CDKL5: variants seen among roughly 807,000 people sequenced by gnomAD.
CDKL5 encodes the protein cyclin dependent kinase like 5.
A neutral mutation model predicts 61.7 loss-of-function variants in CDKL5; 8 were observed. The observed-to-expected ratio is 0.13, with a 90% CI of 0.08 to 0.23. The LOEUF is 0.23. Ranked by LOEUF, CDKL5 falls within the 10% of genes least tolerant of loss-of-function variation. The probability of loss-of-function intolerance (pLI) is 1.00; values close to 1 mark genes in which losing one functional copy is unlikely to be tolerated. For missense variants in CDKL5, 440 were observed against 734.5 expected, an observed-to-expected ratio of 0.60 and a Z score of 4.63; for synonymous variants, 275 against 272.3, an observed-to-expected ratio of 1.01 and a Z score of -0.10.
chrX:18,466,906 C>G (rs187549485), intron 1 of CDKL5, among the ~76,000 whole-genome samples: 95 of 111,465 alleles, frequency 8.5e-4, no homozygotes, highest in African/African-American at 3.1e-3. Context: ...TTGGGTAATG[C>G]TCTGTGGTGC....
intron 9 of CDKL5, among the ~76,000 whole-genome samples, chrX:18,590,467 T>A (rs897037439): frequency 6.2e-5 from 7 of 112,005 alleles, no homozygotes. Flanking sequence ...CCCAGTTAAT[T>A]TCCCTTTAGA....
chrX:18,505,231 A>G (rs1279267808), intron 1 of CDKL5, among the ~76,000 whole-genome samples: 1 of 110,940 alleles, frequency 9.0e-6, no homozygotes, highest in Non-Finnish European at 1.9e-5. Context: ...TCCCTCATAC[A>G]CACATATAAT....
chrX:18,641,967 C>T (rs768450307), downstream of CDKL5: 40 of 1,205,942 alleles, frequency 3.3e-5, no homozygotes, highest in Admixed American at 5.0e-4. Context: ...CGCTCTGTGC[C>T]AGTCACCCCC....
At chrX:18,579,735 TAA>T (rs1264236603) in intron 5 of CDKL5, 111 bp from the exon 6 acceptor site, 12 of 645,611 alleles carry the variant, frequency 1.9e-5, no homozygotes, top group Non-Finnish European at 2.8e-5. Context: ...GCAAAACAAT[TAA>T]AAAAAAAAGC....
At chrX:18,449,543 A>C (rs1931960158) in intron 1 of CDKL5, among the ~76,000 whole-genome samples, 1 of 111,954 alleles carries the variant, frequency 8.9e-6, no homozygotes, top group African/African-American at 3.2e-5. Flanking sequence ...TAGATGATTC[A>C]CATGGGAATG....
chrX:18,589,543 A>T (rs929952272), intron 9 of CDKL5: 9 of 111,227 alleles, frequency 8.1e-5, no homozygotes, highest in Non-Finnish European at 1.5e-4. Flanking sequence ...TCTATCATTG[A>T]TGGACATTTG....
At chrX:18,608,984 A>C in intron 13 of CDKL5, 72 bp downstream of exon 13, 1 of 703,913 alleles carries the variant, frequency 1.4e-6, no homozygotes, top group Non-Finnish European at 2.3e-6. Flanking sequence ...AAATGTATTA[A>C]TACCCAGTCT....
intron 16 of CDKL5, among the ~76,000 whole-genome samples, chrX:18,620,701 TC>T (rs1288287001): frequency 9.0e-6 from 1 of 111,489 alleles, no homozygotes; most frequent in African/African-American, 3.3e-5. Context: ...ATCCCCCTTT[TC>T]TTTATGACAA....
intron 1 of CDKL5, among the ~76,000 whole-genome samples, chrX:18,467,989 A>G (rs1206144589): frequency 1.8e-5 from 2 of 112,003 alleles, no homozygotes; most frequent in Non-Finnish European, 3.8e-5. Flanking sequence ...GTGATGATTG[A>G]AATGTGCTCA....
At chrX:18,646,008 C>G in exon 20 of CDKL5, 3 of 1,211,512 alleles carry the variant, frequency 2.5e-6, no homozygotes, top group Non-Finnish European at 3.4e-6. Context: ...ACTAACTAGA[C>G]GGTGGATGTG....
intron 3 of CDKL5, among the ~76,000 whole-genome samples, chrX:18,536,565 C>A (rs111509701): frequency 9.6e-6 from 1 of 104,195 alleles, no homozygotes; most frequent in Non-Finnish European, 1.9e-5. Context: ...CCTGCCTCAG[C>A]CTCCTGAGTG....
chrX:18,482,715 T>C (rs1041902179), intron 1 of CDKL5, among the ~76,000 whole-genome samples: 1 of 110,124 alleles, frequency 9.1e-6, no homozygotes, highest in African/African-American at 3.3e-5. Context: ...GAAGATGTTC[T>C]ATTTCATACA....
intron 1 of CDKL5, among the ~76,000 whole-genome samples, chrX:18,453,884 G>A (rs1382989387): frequency 2.7e-5 from 3 of 112,029 alleles, no homozygotes; most frequent in East Asian, 2.8e-4. Flanking sequence ...TATTGAGCTC[G>A]TTTTGTTTTA....
At chrX:18,570,644 A>G (rs778453385) in intron 4 of CDKL5, among the ~76,000 whole-genome samples, 5 of 111,630 alleles carry the variant, frequency 4.5e-5, no homozygotes, top group Admixed American at 1.9e-4. Context: ...CAGGTTTGTG[A>G]TTTCACAAAG....
Position 18,494,516 on chromosome X carries a change from C to A in CDKL5, c.-162-12419C>A, listed in dbSNP as rs191334804. On this transcript the variant is annotated intron_variant, in intron 1 of 17. Transcript: ENST00000623535. ...TCAGGTGATCCACCCGCCTTGGCCT[C>A]CCATAGTGCTGGGATTACAGGCGTT... Among the ~76,000 whole-genome samples, 736 of 112,337 alleles carry A rather than the reference C, an allele frequency of 6.6e-3. 8 individuals carry two copies. Among genetic ancestry groups the A allele is most frequent in the African/African-American group, 0.022 (684 of 30,909 alleles).
intron 3 of CDKL5, among the ~76,000 whole-genome samples, chrX:18,550,856 A>T (rs1356806426): frequency 4.4e-5 from 5 of 113,139 alleles, no homozygotes; most frequent in African/African-American, 1.6e-4. Context: ...AGGCTGTCTG[A>T]CAGGCATCAC....
intron 1 of CDKL5, among the ~76,000 whole-genome samples, chrX:18,481,949 A>C (rs1602217538): frequency 3.6e-5 from 4 of 110,271 alleles, no homozygotes; most frequent in Non-Finnish European, 1.9e-5. Flanking sequence ...CCTGGGGAGA[A>C]ACTTTCGTCT....
rs1064794671 is a variant in CDKL5, at chrX:18,598,549, C to T, written c.913C>T (p.Arg305Cys). The T allele has an allele frequency of 9.9e-6, 12 of 1,207,820 alleles. No homozygotes were observed. The highest frequency in any genetic ancestry group is 4.4e-5 in the Admixed American group (2 of 45,966). The change falls in exon 11 of 18, where the codon CGT becomes TGT. Residue 305 changes from arginine to cysteine, a missense_variant. Arg to Cys is a radical substitution (Grantham distance 180, BLOSUM62 -3). Around this residue, in one of 2 missense-constraint regions of CDKL5, gnomAD observed 363 missense variants for 516.3 expected, o/e 0.70. Transcript: ENST00000623535. ...ATTTCAAACCCAGAGACTTCTGGAT[C>T]GTTCTCCTTCAAGGTCAGCAAAAAG... Reference protein sequence around the residue: ...PTFQTQRLLDRSPSRSAKRKP... With the variant: ...PTFQTQRLLDCSPSRSAKRKP...
chrX:18,431,485 G>A (rs1490206174), intron 1 of CDKL5, among the ~76,000 whole-genome samples: 1 of 105,563 alleles, frequency 9.5e-6, no homozygotes, highest in African/African-American at 3.5e-5. Flanking sequence ...GCAGTGGCGC[G>A]GTCTCGGCTC....
Sources: gnomAD v4.1 joint callset for allele counts (sites outside exome capture counted in the v4.1 genomes callset) on GRCh38, gnomAD v4.1.1 for gene constraint, gnomAD v4.1.1 regional missense constraint, MANE v1.5 for transcripts, NCBI Gene and HGNC (gene_info 2026-07-23, HGNC 2026-07-21) for gene names.